The following CA10 variants were observed in gnomAD, a reference collection of about 807,000 sequenced individuals.
The protein encoded by CA10 is carbonic anhydrase 10 (inactive), also known as carbonic anhydrase-related protein 10.
A neutral mutation model predicts 44.2 loss-of-function variants in CA10; 14 were observed. The ratio of observed to expected loss-of-function variants is 0.32; its 90% CI spans 0.21 to 0.50. The LOEUF (loss-of-function observed/expected upper bound fraction) is 0.50. Ranked by LOEUF, CA10 falls within the 20% of genes least tolerant of loss-of-function variation. The pLI is 0.99. For missense variants in CA10, 350 were observed against 409.7 expected (o/e 0.85, Z 1.26); for synonymous variants, 159 against 141.6 (o/e 1.12, Z -0.87).
At chr17:51,773,659 C>A (rs1905697875) in intron 3 of CA10, among the ~76,000 whole-genome samples, 1 of 152,220 alleles carries the variant, frequency 6.6e-6, no homozygotes, top group Non-Finnish European at 1.5e-5. Flanking sequence ...ATGAGAATAC[C>A]TTCCTCAGGG....
chr17:52,141,350 C>T (rs1017845879), intron 1 of CA10, among the ~76,000 whole-genome samples: 1 of 152,182 alleles, frequency 6.6e-6, no homozygotes, highest in Non-Finnish European at 1.5e-5. Flanking sequence ...AAAGTCAAGA[C>T]AGTTCTGAGG....
intron 4 of CA10, among the ~76,000 whole-genome samples, chr17:51,693,201 T>A (rs931131790): frequency 2.0e-5 from 3 of 152,008 alleles, no homozygotes; most frequent in African/African-American, 7.3e-5. Flanking sequence ...CTTTGACCAG[T>A]TTCAGTTGGC....
intron 3 of CA10, among the ~76,000 whole-genome samples, chr17:51,842,979 G>A (rs1978348578): frequency 6.6e-6 from 1 of 152,184 alleles, no homozygotes. Flanking sequence ...ATGTGCAAAT[G>A]ATAAGTACAG....
chr17:52,101,182 T>C (rs1026425883), intron 1 of CA10, among the ~76,000 whole-genome samples: 5 of 152,074 alleles, frequency 3.3e-5, no homozygotes, highest in Non-Finnish European at 7.4e-5. Flanking sequence ...GAGAGCTAAG[T>C]CCCCTTCTCC....
intron 1 of CA10, among the ~76,000 whole-genome samples, chr17:52,140,677 T>C (rs956601466): frequency 3.3e-5 from 5 of 152,184 alleles, no homozygotes; most frequent in Admixed American, 1.3e-4. Context: ...CGCAGCGTTA[T>C]GAAATCTGCT....
At chr17:52,020,933 A>G (rs1481710701) in intron 2 of CA10, among the ~76,000 whole-genome samples, 1 of 152,010 alleles carries the variant, frequency 6.6e-6, no homozygotes. Flanking sequence ...TAGTTTGCTT[A>G]GTATAATGGC....
chr17:51,987,623 A>G (rs547038029), intron 2 of CA10, among the ~76,000 whole-genome samples: 75 of 152,214 alleles, frequency 4.9e-4, no homozygotes, highest in Non-Finnish European at 9.6e-4. Flanking sequence ...AGAATATTCT[A>G]TGTGCCAGAT....
intron 2 of CA10, among the ~76,000 whole-genome samples, chr17:51,964,090 AC>A (rs1448226616): frequency 6.6e-6 from 1 of 152,138 alleles, no homozygotes; most frequent in Non-Finnish European, 1.5e-5. Flanking sequence ...CAAATAGAAA[AC>A]AAAAAAGAGC....
At position 51,679,541 on chromosome 17, in the gene CA10, A is replaced by G. The variant is rs182358044; in HGVS notation, c.466-25805T>C. The stretch of plus-strand genomic sequence containing the variant: ...CTCCCAAAGTGCTGGGATTACAGGC[A>G]TGAGCCACCGTGCCTGGCCTATTTT... On this transcript the variant is annotated intron_variant, in intron 4 of 8. Transcript: ENST00000451037. 5.7e-3 allele frequency among the ~76,000 whole-genome samples: 841 copies of G among 146,522 alleles called. 2 individuals are homozygous for G. Among genetic ancestry groups the G allele is most frequent in the South Asian group, 0.016 (73 of 4,584 alleles).
intron 2 of CA10, among the ~76,000 whole-genome samples, chr17:51,931,615 G>C (rs1445218054): frequency 6.6e-6 from 1 of 152,122 alleles, no homozygotes; most frequent in African/African-American, 2.4e-5. Context: ...AGACTAAACT[G>C]AGGGAGTGAC....
At chr17:52,027,561 T>A (rs1354161918) in intron 2 of CA10, among the ~76,000 whole-genome samples, 1 of 152,082 alleles carries the variant, frequency 6.6e-6, no homozygotes, top group Non-Finnish European at 1.5e-5. Flanking sequence ...GACATGCACA[T>A]AGAAATTACA....
At chr17:51,939,709 T>A (rs1983005437) in intron 2 of CA10, among the ~76,000 whole-genome samples, 1 of 152,146 alleles carries the variant, frequency 6.6e-6, no homozygotes, top group Non-Finnish European at 1.5e-5. Flanking sequence ...TTTGCATTTC[T>A]CTTCTGATCG....
chr17:51,980,378 GC>G lies in CA10; in HGVS notation c.137-49247del, dbSNP rs550577750. 1.2e-3 allele frequency among the ~76,000 whole-genome samples: 181 copies of G among 151,950 alleles called. 5 individuals carry two copies. The South Asian group carries it at 0.022, about 18-fold the overall frequency. On this transcript the variant is annotated intron_variant, in intron 2 of 8. Transcript: ENST00000451037. ...CCTTTGCCCACTTTTTAATGGGGTT[GC>G]TTTTCTTTTATACATTTAAGTTCCT...
At chr17:51,840,631 G>C (rs1342988762) in intron 3 of CA10, among the ~76,000 whole-genome samples, 1 of 152,122 alleles carries the variant, frequency 6.6e-6, no homozygotes, top group Non-Finnish European at 1.5e-5. Context: ...GTCTTAGCTT[G>C]AGGATGGGAA....
At chr17:51,654,148 C>T (rs375964092) in intron 4 of CA10, among the ~76,000 whole-genome samples, 1 of 152,166 alleles carries the variant, frequency 6.6e-6, no homozygotes, top group Non-Finnish European at 1.5e-5. Flanking sequence ...CTTGCAGCCT[C>T]GGAGCAAACA....
At chr17:51,799,117 C>T (rs1472582967) in intron 3 of CA10, among the ~76,000 whole-genome samples, 1 of 152,176 alleles carries the variant, frequency 6.6e-6, no homozygotes, top group Non-Finnish European at 1.5e-5. Context: ...CAGCAAAGTA[C>T]CACTTGCTGG....
At chr17:52,134,143 T>C (rs1989300262) in intron 1 of CA10, among the ~76,000 whole-genome samples, 1 of 152,248 alleles carries the variant, frequency 6.6e-6, no homozygotes, top group Non-Finnish European at 1.5e-5. Context: ...TTCGAACTAA[T>C]GTGCTCACAT....
intron 3 of CA10, among the ~76,000 whole-genome samples, chr17:51,900,986 C>T: frequency 6.6e-6 from 1 of 152,082 alleles, no homozygotes; most frequent in Non-Finnish European, 1.5e-5. Flanking sequence ...TTATTCTTAT[C>T]CATATTCTGA....
chr17:51,637,550 G>A (rs770735854), intron 6 of CA10, among the ~76,000 whole-genome samples: 3 of 152,200 alleles, frequency 2.0e-5, no homozygotes, highest in Non-Finnish European at 4.4e-5. Flanking sequence ...TCGTCCATGT[G>A]TCTAACTCCC....
Sources: allele counts gnomAD v4.1 joint callset (sites outside exome capture counted in the v4.1 genomes callset), GRCh38; gene constraint gnomAD v4.1.1; transcripts MANE v1.5; gene names NCBI Gene and HGNC (gene_info 2026-07-23, HGNC 2026-07-21).